LBH: variants seen among roughly 807,000 people sequenced by gnomAD.
LBH encodes LBH regulator of Wnt signaling pathway.
A neutral mutation model predicts 12.5 loss-of-function variants in LBH; 7 were observed. The observed-to-expected ratio is 0.56, with a 90% CI of 0.32 to 1.05. The LOEUF is 1.05. Among genes scored for constraint, LBH ranks in the 50% least tolerant of loss-of-function variants. The pLI, the probability that LBH is intolerant of heterozygous loss-of-function variation, is 0.04. For synonymous variants in LBH, 51 were observed against 50.1 expected, an observed-to-expected ratio of 1.02 and a Z score of -0.08; for missense variants, 119 against 138.9, an observed-to-expected ratio of 0.86 and a Z score of 0.72.
At chr2:30,253,490 T>G (rs1678023956) in intron 2 of LBH, among the ~76,000 whole-genome samples, 1 of 152,332 alleles carries the variant, frequency 6.6e-6, no homozygotes, top group Admixed American at 6.5e-5. Context: ...TAATAGGCTT[T>G]GTAAACAAAC....
chr2:30,235,415 G>A (rs904466638), intron 2 of LBH, among the ~76,000 whole-genome samples: 6 of 152,148 alleles, frequency 3.9e-5, no homozygotes, highest in Non-Finnish European at 7.3e-5. Flanking sequence ...CCATGGGTCC[G>A]TGCTACAGAC....
Position 30,257,461 on chromosome 2 carries a change from G to T in LBH, c.158G>T (p.Arg53Leu). Residue 53 changes from arginine to leucine, a missense_variant, in exon 3 of 3, where the codon CGC (arginine) becomes CTC (leucine). By Grantham distance (102) the Arg-to-Leu change is moderately radical. Transcript: ENST00000395323. ...TTCCCAGACCCGTCAGATTTTGACC[G>T]CTGCTGCAAACTGAAGGACCGTCTG... ...QIFPDPSDFD[R>L]CCKLKDRLPS... 1 of 1,614,108 alleles carries T rather than the reference G, an allele frequency of 6.2e-7. No homozygotes were observed. Among genetic ancestry groups the T allele is most frequent in the South Asian group, 1.1e-5 (1 of 91,078 alleles).
intron 2 of LBH, among the ~76,000 whole-genome samples, chr2:30,250,822 T>A (rs1677965271): frequency 2.7e-5 from 4 of 150,494 alleles, no homozygotes; most frequent in Admixed American, 2.6e-4. Flanking sequence ...TCCAACAGCC[T>A]CCACTGTTGG....
chr2:30,232,174 A>T, intron 1 of LBH: 10 of 1,388,826 alleles, frequency 7.2e-6, no homozygotes, highest in Admixed American at 2.2e-5. Context: ...TGCAAGTCTC[A>T]ACGTCGAGGC....
chr2:30,253,276 GA>G (rs1265935390), intron 2 of LBH, among the ~76,000 whole-genome samples: 8 of 152,222 alleles, frequency 5.3e-5, no homozygotes, highest in African/African-American at 1.7e-4. Context: ...AGCTGTCAGA[GA>G]TAAGATTGTG....
chr2:30,250,578 T>C (rs1224597575), intron 2 of LBH, among the ~76,000 whole-genome samples: 1 of 151,058 alleles, frequency 6.6e-6, no homozygotes, highest in Admixed American at 6.6e-5. Flanking sequence ...GTGCCAGGCA[T>C]CTCTCTCCTC....
In LBH at chr2:30,259,813, C is replaced by T. The variant is rs1200341621; in HGVS notation, c.*2192C>T. On this transcript the variant is annotated 3_prime_UTR_variant, in exon 3 of 3. Coordinates refer to ENST00000395323, the MANE Select transcript of LBH (RefSeq NM_030915.4). ...AAGTGGCTGAGCTCCTATCTGGCCT[C>T]CTCTTTTTTTTTTTTTCAAGTAATT... The T allele has an allele frequency of 1.3e-5, 2 of 151,906 alleles. No homozygotes were observed. The highest frequency in any genetic ancestry group is 2.9e-5 in the Non-Finnish European group (2 of 67,884). The allele number at this position is 151,906 out of a possible 1,614,324, so 9.4% of individuals were successfully genotyped here.
At chr2:30,241,765 A>G (rs143288905) in intron 2 of LBH, among the ~76,000 whole-genome samples, 116 of 152,116 alleles carry the variant, frequency 7.6e-4, no homozygotes, top group African/African-American at 2.7e-3. Flanking sequence ...CGCCCAGCCT[A>G]TTTTGTTTCT....
chr2:30,232,456 A>G, intron 1 of LBH: 1 of 489,154 alleles, frequency 2.0e-6, no homozygotes, highest in Non-Finnish European at 3.6e-6. Context: ...CGGACTGGGG[A>G]TCGGAGCCGG....
At chr2:30,234,618 G>C in intron 2 of LBH, 111 bp downstream of exon 2, 1 of 701,150 alleles carries the variant, frequency 1.4e-6, no homozygotes, top group Non-Finnish European at 2.5e-6. Context: ...CTGTGGGACT[G>C]TGGCAGAGTC....
At chr2:30,257,355 A>C (rs1029153013) in intron 2 of LBH, 78 bp from the exon 3 acceptor site, 22 of 1,516,396 alleles carry the variant, frequency 1.5e-5, no homozygotes, top group Non-Finnish European at 1.7e-5. Context: ...AGTATGCCAC[A>C]TGGATGTGCA....
chr2:30,232,051 A>T, intron 1 of LBH: 4 of 1,421,762 alleles, frequency 2.8e-6, no homozygotes, highest in Non-Finnish European at 3.8e-6. Flanking sequence ...TCACGTGTGA[A>T]TCCCCCCCAA....
intron 2 of LBH, among the ~76,000 whole-genome samples, chr2:30,248,456 G>A (rs541150955): frequency 6.6e-5 from 10 of 152,296 alleles, no homozygotes; most frequent in African/African-American, 2.4e-4. Flanking sequence ...GAAGGCAATG[G>A]GACAGGCTAA....
At chr2:30,234,682 T>TC (rs1237898194) in intron 2 of LBH, among the ~76,000 whole-genome samples, 175 bp downstream of exon 2, 4 of 152,178 alleles carry the variant, frequency 2.6e-5, no homozygotes, top group Non-Finnish European at 5.9e-5. Flanking sequence ...GCAACAATCG[T>TC]CCTTATCTCC....
intron 1 of LBH, 150 bp from the exon 2 acceptor site, chr2:30,234,255 G>A: frequency 1.6e-6 from 1 of 644,508 alleles, no homozygotes; most frequent in Middle Eastern, 3.1e-4. Context: ...GCTTCCTCAG[G>A]GTGTGAGCTT....
intron 2 of LBH, among the ~76,000 whole-genome samples, chr2:30,238,731 G>C (rs372313913): frequency 6.6e-6 from 1 of 152,102 alleles, no homozygotes; most frequent in African/African-American, 2.4e-5. Context: ...TATTTGCCTC[G>C]TGCAGTTGGA....
In LBH at chr2:30,257,789, C is replaced by CTTTTT. The variant is rs1678112740; in HGVS notation, c.*168_*169insTTTTT. Reference sequence around the variant, plus strand: ...GAGTTGGTTTTCTTTTCTTTTCTTGCCTTTTTTTTTTTTTGAAATTTGCCG... The same window carrying CTTTTT: ...GAGTTGGTTTTCTTTTCTTTTCTTGCTTTTTCTTTTTTTTTTTTTGAAATTTGCCG... On this transcript the variant is annotated 3_prime_UTR_variant, in exon 3 of 3. Coordinates refer to ENST00000395323, the MANE Select transcript of LBH (RefSeq NM_030915.4). 9.1e-6 allele frequency: 4 copies of CTTTTT among 439,354 alleles called. No individual in the cohort carries two copies. Among genetic ancestry groups the CTTTTT allele is most frequent in the East Asian group, 3.9e-5 (1 of 25,434 alleles). 27.2% of individuals were successfully genotyped at this position (439,354 alleles called of 1,614,324 possible). A position where few individuals can be genotyped will look rare whatever the true frequency, so the allele number is the denominator to read the frequency against.
At chr2:30,257,343 C>A in intron 2 of LBH, 90 bp from the exon 3 acceptor site, 2 of 1,406,942 alleles carry the variant, frequency 1.4e-6, no homozygotes, top group Non-Finnish European at 2.0e-6. Context: ...TGGCATGCAC[C>A]CAGTATGCCA....
At chr2:30,246,768 C>CTTTCTCTT (rs1553334693) in intron 2 of LBH, among the ~76,000 whole-genome samples, 11,670 of 147,882 alleles carry the variant, frequency 0.079, 982 homozygotes, top group African/African-American at 0.21. Flanking sequence ...TTCCTTCTTT[C>CTTTCTCTT]TCTTTCTTTC....
Sources: gnomAD v4.1 joint callset for allele counts (sites outside exome capture counted in the v4.1 genomes callset) on GRCh38, gnomAD v4.1.1 for gene constraint, MANE v1.5 for transcripts, NCBI Gene and HGNC (gene_info 2026-07-23, HGNC 2026-07-21) for gene names.